PRKD1: variants seen among roughly 807,000 people sequenced by gnomAD.
PRKD1 encodes the protein serine/threonine-protein kinase D1.
Under a neutral mutation model 95.9 loss-of-function variants are expected in PRKD1, and 63 were observed. The ratio of observed to expected loss-of-function variants is 0.66; its 90% CI spans 0.54 to 0.81. The LOEUF is 0.81. Among genes scored for constraint, PRKD1 ranks in the 30% least tolerant of loss-of-function variants. The pLI, the probability that PRKD1 is intolerant of heterozygous loss-of-function variation, is 0.00. For missense variants in PRKD1, 1,048 were observed against 1,165.3 expected, an observed-to-expected ratio of 0.90 and a Z score of 1.47; for synonymous variants, 425 against 423.1, an observed-to-expected ratio of 1.00 and a Z score of -0.05.
rs148267562 is a variant in PRKD1 at position 29,895,057 on chromosome 14, C to A, written c.264+32192G>T. On this transcript the variant is annotated intron_variant, in intron 1 of 17. Transcript: ENST00000331968. ...ATGTTTATAAGAACAAATAGCCGGG[C>A]GCTGTGGCTCACGCCTGTAATCCCA... Among the ~76,000 whole-genome samples the A allele has an allele frequency of 9.3e-4, 142 of 152,312 alleles. 3 individuals carry two copies. The highest frequency in any genetic ancestry group is 3.3e-3 in the African/African-American group (138 of 41,572).
At chr14:29,592,464 T>C (rs1893165157) in intron 16 of PRKD1, among the ~76,000 whole-genome samples, 1 of 152,232 alleles carries the variant, frequency 6.6e-6, no homozygotes, top group South Asian at 2.1e-4. Flanking sequence ...TAACAATTTA[T>C]TACTTAACTA....
intron 1 of PRKD1, among the ~76,000 whole-genome samples, chr14:29,834,054 T>A (rs1388482159): frequency 6.6e-6 from 1 of 152,146 alleles, no homozygotes; most frequent in Non-Finnish European, 1.5e-5. Flanking sequence ...AAGAGACTTA[T>A]TCCTCCTTTA....
intron 16 of PRKD1, among the ~76,000 whole-genome samples, chr14:29,597,261 A>G (rs2139006247): frequency 6.6e-6 from 1 of 152,276 alleles, no homozygotes; most frequent in Admixed American, 6.5e-5. Context: ...AATGAAATGT[A>G]CCAAAATACA....
At chr14:29,872,753 CA>C (rs1893157906) in intron 1 of PRKD1, among the ~76,000 whole-genome samples, 1 of 151,318 alleles carries the variant, frequency 6.6e-6, no homozygotes, top group Admixed American at 6.6e-5. Context: ...TGCTGTGGAA[CA>C]AATCAATCTA....
intron 1 of PRKD1, among the ~76,000 whole-genome samples, chr14:29,861,212 G>A (rs1892698348): frequency 6.6e-6 from 1 of 151,970 alleles, no homozygotes; most frequent in African/African-American, 2.4e-5. Flanking sequence ...AAAAAAAAAT[G>A]GAATGGAGAA....
intron 1 of PRKD1, among the ~76,000 whole-genome samples, chr14:29,773,840 C>T (rs1161600467): frequency 6.6e-6 from 1 of 152,194 alleles, no homozygotes; most frequent in Admixed American, 6.5e-5. Flanking sequence ...TACTTCTGGA[C>T]CATTTGTTAA....
intron 1 of PRKD1, among the ~76,000 whole-genome samples, chr14:29,825,593 A>T (rs967404782): frequency 6.6e-6 from 1 of 152,064 alleles, no homozygotes; most frequent in African/African-American, 2.4e-5. Flanking sequence ...CCACAAAGGG[A>T]TCATTATTTA....
rs143773495 is a variant in PRKD1 at position 29,745,514 on chromosome 14, G to T, written c.265-19840C>A. ...GATAGAGTCTTGATGCATCACCCAG[G>T]CTGGAGTGCAATGGTGCAATCATAG... On this transcript the variant is annotated intron_variant, in intron 1 of 17. Transcript: ENST00000331968. 6.4e-3 allele frequency among the ~76,000 whole-genome samples: 968 copies of T among 152,258 alleles called. 3 individuals carry two copies. Among genetic ancestry groups the T allele is most frequent in the African/African-American group, 0.022 (908 of 41,536 alleles).
At chr14:29,885,525 CA>C (rs1893670677) in intron 1 of PRKD1, among the ~76,000 whole-genome samples, 1 of 151,830 alleles carries the variant, frequency 6.6e-6, no homozygotes, top group African/African-American at 2.4e-5. Flanking sequence ...GACCAAATGG[CA>C]ATTTTAGATA....
intron 1 of PRKD1, among the ~76,000 whole-genome samples, chr14:29,759,110 T>C (rs892331671): frequency 1.3e-5 from 2 of 152,224 alleles, no homozygotes; most frequent in Admixed American, 1.3e-4. Flanking sequence ...AGGAGACTGT[T>C]GTAACTTTGC....
At chr14:29,925,612 A>G (rs1895269057) in intron 1 of PRKD1, among the ~76,000 whole-genome samples, 1 of 152,124 alleles carries the variant, frequency 6.6e-6, no homozygotes, top group African/African-American at 2.4e-5. Context: ...ACTAGGCATC[A>G]GTCTCCCCAT....
intron 1 of PRKD1, among the ~76,000 whole-genome samples, chr14:29,917,520 G>T (rs1894932612): frequency 6.6e-6 from 1 of 152,036 alleles, no homozygotes; most frequent in Non-Finnish European, 1.5e-5. Context: ...ATGATACATG[G>T]ATTTCATATT....
intron 13 of PRKD1, among the ~76,000 whole-genome samples, chr14:29,607,621 A>T (rs149507701): frequency 1.9e-3 from 290 of 152,272 alleles, no homozygotes; most frequent in African/African-American, 6.6e-3. Flanking sequence ...ACATCTAACC[A>T]GCTACTGCGT....
chr14:29,874,366 A>T (rs113458845), intron 1 of PRKD1, among the ~76,000 whole-genome samples: 264 of 152,280 alleles, frequency 1.7e-3, no homozygotes, highest in African/African-American at 5.9e-3. Flanking sequence ...ACTCTTATAA[A>T]CTGTTGGTGG....
At chr14:29,882,191 A>G (rs1276067514) in intron 1 of PRKD1, among the ~76,000 whole-genome samples, 1 of 152,256 alleles carries the variant, frequency 6.6e-6, no homozygotes, top group African/African-American at 2.4e-5. Context: ...ATATTTGAAT[A>G]TTGTGATTTC....
At chr14:29,672,886 GA>G (rs907581299) in intron 2 of PRKD1, among the ~76,000 whole-genome samples, 29 of 143,398 alleles carry the variant, frequency 2.0e-4, no homozygotes, top group Middle Eastern at 3.5e-3. Flanking sequence ...CTCCTTCTCA[GA>G]AAAAAAAAAA....
At chr14:29,760,368 T>TC (rs1409165391) in intron 1 of PRKD1, among the ~76,000 whole-genome samples, 5 of 149,818 alleles carry the variant, frequency 3.3e-5, no homozygotes, top group Non-Finnish European at 7.4e-5. Context: ...TTTTTTTTTT[T>TC]TTTTTAAGGC....
chr14:29,588,799 TG>T (rs1566469787), intron 16 of PRKD1, among the ~76,000 whole-genome samples: 49 of 43,902 alleles, frequency 1.1e-3, no homozygotes, highest in African/African-American at 3.3e-3. Context: ...GTTGTGTGTG[TG>T]TGTGTGTGTG....
At position 29,752,993 on chromosome 14, in the gene PRKD1, A is replaced by T. The variant is rs572150087; in HGVS notation, c.265-27319T>A. Among the ~76,000 whole-genome samples, 5 of 152,188 alleles carry T rather than the reference A, an allele frequency of 3.3e-5. No homozygotes were observed. The South Asian group carries it at 1.0e-3, about 32-fold the overall frequency. The stretch of plus-strand genomic sequence containing the variant: ...CAGGATAGTTCTGCAGGCTGAAGAA[A>T]ATCTCTTAGTAGAAAGAAATGAGGG... On this transcript the variant is annotated intron_variant, in intron 1 of 17. Transcript: ENST00000331968.
Sources: allele counts gnomAD v4.1 joint callset (sites outside exome capture counted in the v4.1 genomes callset), GRCh38; gene constraint gnomAD v4.1.1; transcripts MANE v1.5; gene names NCBI Gene and HGNC (gene_info 2026-07-23, HGNC 2026-07-21).